Variants in CAPG observed in about 807,000 individuals in gnomAD.
CAPG encodes the protein macrophage-capping protein.
In CAPG, 32 loss-of-function variants were observed where a neutral mutation model predicts 44.6. The observed-to-expected ratio is 0.72, with a 90% CI of 0.54 to 0.96. The LOEUF is 0.96. Among genes scored for constraint, CAPG ranks in the 50% least tolerant of loss-of-function variants. CAPG has a pLI of 0.00. For synonymous variants in CAPG, 175 were observed against 179.6 expected, an observed-to-expected ratio of 0.97 and a Z score of 0.20; for missense variants, 412 against 438.3, an observed-to-expected ratio of 0.94 and a Z score of 0.54.
At position 85,394,782 on chromosome 2, in the gene CAPG, C is replaced by T; in HGVS notation, c.*111G>A. ...GGAAAAGAGCTGGGAAAGCACTTGT[C>T]TCCTTTATTGAACATCTGCAGGGGG... On this transcript the variant is annotated 3_prime_UTR_variant, in exon 10 of 10. Transcript: ENST00000263867. 1.2e-6 allele frequency: 1 copy of T among 803,072 alleles called. No individual in the cohort carries two copies. The highest frequency in any genetic ancestry group is 1.4e-5 in the South Asian group (1 of 72,630). The allele number at this position is 803,072 out of a possible 1,614,324, so 49.7% of individuals were successfully genotyped here.
rs1687363597 is a variant in CAPG, at chr2:85,410,299, T to A, written c.-14+18A>T. 1 of 152,508 alleles carries A rather than the reference T, an allele frequency of 6.6e-6. No homozygotes were observed. Among genetic ancestry groups the A allele is most frequent in the Non-Finnish European group, 1.5e-5 (1 of 68,218 alleles). The allele number at this position is 152,508 out of a possible 1,614,324, so 9.4% of individuals were successfully genotyped here. A position where few individuals can be genotyped will look rare whatever the true frequency, so the allele number is the denominator to read the frequency against. The stretch of plus-strand genomic sequence containing the variant: ...ACCTTCACCTTTCAACACTCCTACT[T>A]TCCTTTCTTCCTCCTACCTCTGCTT... On this transcript the variant is annotated intron_variant, in intron 1 of 9. Transcript: ENST00000263867.
chr2:85,414,256 C>A (rs747673014), upstream of CAPG, among the ~76,000 whole-genome samples: 5 of 152,214 alleles, frequency 3.3e-5, no homozygotes, highest in African/African-American at 7.2e-5. Flanking sequence ...GTTAGGCCCC[C>A]GGCCTCAATC....
downstream of CAPG, among the ~76,000 whole-genome samples, chr2:85,393,101 T>C (rs532578281): frequency 5.7e-4 from 87 of 151,964 alleles, no homozygotes; most frequent in African/African-American, 2.1e-3. Flanking sequence ...AGTGGCGCGA[T>C]CTCGGCTCAC....
chr2:85,405,423 C>A (rs1400488092), intron 1 of CAPG, among the ~76,000 whole-genome samples: 2 of 151,930 alleles, frequency 1.3e-5, no homozygotes, highest in Non-Finnish European at 2.9e-5. Context: ...GTAAGATGAG[C>A]CCCAGTGGCA....
intron 8 of CAPG, among the ~76,000 whole-genome samples, chr2:85,396,234 G>A (rs568377232): frequency 4.6e-5 from 7 of 152,240 alleles, no homozygotes; most frequent in African/African-American, 1.7e-4. Context: ...CGCCCGGGCT[G>A]GAGTGCAGCG....
chr2:85,401,412 A>G, intron 4 of CAPG, 83 bp from the exon 5 acceptor site: 1 of 1,577,098 alleles, frequency 6.3e-7, no homozygotes, highest in Non-Finnish European at 8.7e-7. Flanking sequence ...GACGGGCAGA[A>G]AGGTGGGGAC....
intron 7 of CAPG, 176 bp from the exon 8 acceptor site, chr2:85,398,328 C>T (rs890805644): frequency 3.1e-5 from 21 of 684,942 alleles, no homozygotes; most frequent in Non-Finnish European, 5.1e-5. Flanking sequence ...CAGGCAGCCC[C>T]ACTCCCTCTC....
Position 85,396,915 on chromosome 2 carries a change from T to C in CAPG, c.892+1105A>G, listed in dbSNP as rs960157020. On this transcript the variant is annotated intron_variant, in intron 8 of 9. Transcript: ENST00000263867. ...CTAGGGGCTGGCATTTTCTCCACCTTGGTTGACCCCACAACTGGGTGTTGA... is the reference window on the plus strand; with the variant it reads ...CTAGGGGCTGGCATTTTCTCCACCTCGGTTGACCCCACAACTGGGTGTTGA... Among the ~76,000 whole-genome samples, 58 of 152,134 alleles carry C rather than the reference T, an allele frequency of 3.8e-4. 1 individual carries two copies. Among genetic ancestry groups the C allele is most frequent in the African/African-American group, 1.3e-3 (55 of 41,410 alleles).
rs1256853466 is a variant in CAPG, at chr2:85,395,483, A to G, written c.981+55T>C. 1.0e-4 allele frequency: 153 copies of G among 1,461,050 alleles called. No homozygotes were observed. The highest frequency in any genetic ancestry group is 1.4e-4 in the Non-Finnish European group (146 of 1,050,188). 90.5% of individuals were successfully genotyped at this position (1,461,050 alleles called of 1,614,324 possible). ...CCCTTCCTGGCCAATTTGAGGGGTC[A>G]GGGGCCACAGGAAGAGCCCTAGGAA... On this transcript the variant is annotated intron_variant, in intron 9 of 9. Transcript: ENST00000263867. The surrounding 1 kb of genome is among the most constrained non-coding windows in gnomAD (Gnocchi z 4.3).
In CAPG at chr2:85,395,916, C is replaced by T. The variant is rs184927676; in HGVS notation, c.893-290G>A. The T allele has an allele frequency of 1.4e-4, 56 of 407,600 alleles. No individual in the cohort carries two copies. Among genetic ancestry groups the T allele is most frequent in the Non-Finnish European group, 3.6e-5 (8 of 220,262 alleles). 25.2% of individuals were successfully genotyped at this position (407,600 alleles called of 1,614,324 possible). On this transcript the variant is annotated intron_variant, in intron 8 of 9. Coordinates refer to ENST00000263867, the MANE Select transcript of CAPG (RefSeq NM_001747.4). This position sits in a 1 kb window ranked among gnomAD's most constrained non-coding sequence, Gnocchi z 4.3. ...CCCTGGAATATTTCAGGGAGGGGAA[C>T]AGGTGTTCACCCTAGCATCAGACTG...
chr2:85,409,327 C>A (rs1033269123), intron 1 of CAPG, among the ~76,000 whole-genome samples: 27 of 152,250 alleles, frequency 1.8e-4, no homozygotes, highest in Admixed American at 1.7e-3. Context: ...GAGGGGAGGA[C>A]GCAAGTCCTG....
At chr2:85,416,993 A>G (rs555962327) in intron 1 of CAPG, among the ~76,000 whole-genome samples, 31 of 152,278 alleles carry the variant, frequency 2.0e-4, no homozygotes, top group Middle Eastern at 3.4e-3. Flanking sequence ...AATCACTGCT[A>G]GGTGCTCAGG....
At chr2:85,410,535 G>A (rs1573192872), upstream of CAPG, 1 of 152,440 alleles carries the variant, frequency 6.6e-6, no homozygotes. Context: ...GGGGTGGGCA[G>A]TGGGTATGCC....
upstream of CAPG, chr2:85,418,648 ACACGCGCG>A (rs1241257984): frequency 2.3e-5 from 3 of 132,664 alleles, no homozygotes; most frequent in African/African-American, 8.2e-5. Flanking sequence ...GCACACACAC[ACACGCGCG>A]CGCGCGCGCC....
chr2:85,418,809 A>ACTT (rs1687644565), upstream of CAPG: 1 of 152,438 alleles, frequency 6.6e-6, no homozygotes, highest in East Asian at 1.9e-4. Flanking sequence ...GCTGGGGAAG[A>ACTT]GATGGCCTTC....
At chr2:85,403,046 C>T (rs114395253) in intron 1 of CAPG, among the ~76,000 whole-genome samples, 12,895 of 151,990 alleles carry the variant, frequency 0.085, 586 homozygotes, top group South Asian at 0.16. Context: ...GTTGGTATTA[C>T]AGGCGTGAGC....
intron 8 of CAPG, among the ~76,000 whole-genome samples, chr2:85,396,564 A>C (rs1379915624): frequency 1.3e-5 from 2 of 151,908 alleles, no homozygotes; most frequent in Non-Finnish European, 2.9e-5. Flanking sequence ...TACCCATGAG[A>C]TCCTTCTCTT....
At chr2:85,398,901 G>A (rs2104795428) in intron 6 of CAPG, 119 bp from the exon 7 acceptor site, 1 of 861,238 alleles carries the variant, frequency 1.2e-6, no homozygotes, top group Middle Eastern at 3.4e-4. Context: ...AGGGCACCCA[G>A]CAGAGGTGAG....
At chr2:85,411,610 G>A (rs1315185836), upstream of CAPG, among the ~76,000 whole-genome samples, 1 of 152,230 alleles carries the variant, frequency 6.6e-6, no homozygotes, top group Admixed American at 6.5e-5. Context: ...GCCTGTCCTG[G>A]AAAGGTATTG....
Sources: allele counts gnomAD v4.1 joint callset (sites outside exome capture counted in the v4.1 genomes callset), GRCh38; gene constraint gnomAD v4.1.1; non-coding constraint Gnocchi (gnomAD v3.1); transcripts MANE v1.5; gene names NCBI Gene and HGNC (gene_info 2026-07-23, HGNC 2026-07-21).